STAM2: variants seen among roughly 807,000 people sequenced by gnomAD.
The protein encoded by STAM2 is signal transducing adaptor molecule 2, also known as signal transducing adapter molecule 2.
A neutral mutation model predicts 65.6 loss-of-function variants in STAM2; 51 were observed. The ratio of observed to expected loss-of-function variants is 0.78; its 90% CI spans 0.62 to 0.98. The LOEUF (loss-of-function observed/expected upper bound fraction) is 0.98, where lower values mean the gene tolerates loss of function less well. STAM2 is among the 50% of genes least tolerant of loss of function. STAM2 has a pLI of 0.00. For missense variants in STAM2, 584 were observed against 617.8 expected (o/e 0.95, Z 0.58); for synonymous variants, 198 against 208.4 (o/e 0.95, Z 0.43).
chr2:152,128,487 T>C (rs1464515733), intron 11 of STAM2, among the ~76,000 whole-genome samples: 3 of 150,812 alleles, frequency 2.0e-5, no homozygotes, highest in Non-Finnish European at 4.4e-5. Flanking sequence ...AACAAATGCA[T>C]AACTAAAATG....
chr2:152,143,481 G>A (rs4664533), intron 7 of STAM2, among the ~76,000 whole-genome samples: 151,256 of 152,306 alleles, frequency 0.99, 75,125 homozygotes, highest in Middle Eastern at 1. Context: ...GTATATTGCT[G>A]TATTTCTTCC....
At position 152,117,062 on chromosome 2, in the gene STAM2, T is replaced by C. The variant is rs140751906; in HGVS notation, c.*3512A>G. The stretch of plus-strand genomic sequence containing the variant: ...TGACATTCCAGGTGTACATGAAATT[T>C]GGAGGGACACTATTCACTATATCAC... On this transcript the variant is annotated 3_prime_UTR_variant, in exon 14 of 14. Transcript: ENST00000263904. 6.6e-6 allele frequency: 1 copy of C among 152,186 alleles called. No individual in the cohort carries two copies. The highest frequency in any genetic ancestry group is 1.5e-5 in the Non-Finnish European group (1 of 68,028). 9.4% of individuals were successfully genotyped at this position (152,186 alleles called of 1,614,324 possible).
At chr2:152,122,184 G>A (rs1474619580) in intron 13 of STAM2, among the ~76,000 whole-genome samples, 1 of 151,824 alleles carries the variant, frequency 6.6e-6, no homozygotes, top group Non-Finnish European at 1.5e-5. Flanking sequence ...CCAGCATTTT[G>A]GGAGGCCAAG....
intron 1 of STAM2, among the ~76,000 whole-genome samples, chr2:152,157,070 T>G (rs569020807): frequency 2.6e-5 from 4 of 152,230 alleles, no homozygotes; most frequent in South Asian, 4.1e-4. Flanking sequence ...CTTGGAATAC[T>G]TTCCCATCCA....
chr2:152,133,212 C>G lies in STAM2; in HGVS notation c.931G>C (p.Asp311His). The change falls in exon 10 of 14, where the codon GAT becomes CAT. Residue 311 changes from aspartate to histidine, a missense_variant. Transcript: ENST00000263904. ...AGGTCTTGGGAGTCTGGTTTTGAAT[C>G]TGTTGGATCTATACTCTGAAGTACC... Reference protein sequence around the residue: ...LQVLQSIDPTDSKPDSQDLLD... With the variant: ...LQVLQSIDPTHSKPDSQDLLD... 1 of 1,604,870 alleles carries G rather than the reference C, an allele frequency of 6.2e-7. No homozygotes were observed. The highest frequency in any genetic ancestry group is 8.5e-7 in the Non-Finnish European group (1 of 1,176,352).
intron 7 of STAM2, among the ~76,000 whole-genome samples, chr2:152,138,174 C>T (rs1420466988): frequency 6.6e-6 from 1 of 152,010 alleles, no homozygotes; most frequent in African/African-American, 2.4e-5. Flanking sequence ...GAAATCTTTG[C>T]AATATTAAGG....
intron 12 of STAM2, 188 bp downstream of exon 12, chr2:152,126,038 A>G: frequency 2.2e-6 from 1 of 445,072 alleles, no homozygotes; most frequent in Non-Finnish European, 3.8e-6. Flanking sequence ...TTTGTGAAAT[A>G]TCAGTATCTG....
intron 11 of STAM2, 189 bp downstream of exon 11, chr2:152,131,925 G>C (rs896978042): frequency 1.8e-6 from 1 of 557,494 alleles, no homozygotes. Context: ...GTCAGAGCTT[G>C]TTTTTTAGAA....
intron 1 of STAM2, 107 bp downstream of exon 1, chr2:152,175,496 T>C: frequency 6.9e-7 from 1 of 1,454,520 alleles, no homozygotes; most frequent in Non-Finnish European, 9.5e-7. Flanking sequence ...TCCCCTCCCT[T>C]CGCTTTGCTT....
chr2:152,164,476 G>A (rs915439567), intron 1 of STAM2, among the ~76,000 whole-genome samples: 27 of 151,950 alleles, frequency 1.8e-4, no homozygotes, highest in Admixed American at 9.2e-4. Context: ...TTGAGTAGCC[G>A]GGATTACAGG....
At chr2:152,131,881 G>C (rs554564792) in intron 11 of STAM2, 1 of 500,354 alleles carries the variant, frequency 2.0e-6, no homozygotes, top group East Asian at 3.7e-5. Flanking sequence ...CTGGTTAAAA[G>C]TAAGCCATGC....
At chr2:152,162,411 TA>T (rs199862931) in intron 1 of STAM2, among the ~76,000 whole-genome samples, 135 of 146,768 alleles carry the variant, frequency 9.2e-4, no homozygotes, top group Non-Finnish European at 1.5e-3. Context: ...CCTCACCTCT[TA>T]AAAAAAAAAA....
intron 1 of STAM2, among the ~76,000 whole-genome samples, chr2:152,167,815 TAGG>T (rs1424803804): frequency 2.6e-5 from 4 of 151,800 alleles, no homozygotes; most frequent in Non-Finnish European, 5.9e-5. Flanking sequence ...GAGGCTGAGG[TAGG>T]AGAATTGCTT....
chr2:152,124,592 G>T (rs893326578), intron 12 of STAM2: 1 of 151,966 alleles, frequency 6.6e-6, no homozygotes, highest in African/African-American at 2.4e-5. Context: ...TTAAGGACAG[G>T]GTCTACCACC....
At chr2:152,163,506 C>T (rs1020795699) in intron 1 of STAM2, among the ~76,000 whole-genome samples, 5 of 151,856 alleles carry the variant, frequency 3.3e-5, no homozygotes, top group Admixed American at 6.6e-5. Flanking sequence ...TTGTAAAACA[C>T]GTGTGTTTGA....
intron 11 of STAM2, among the ~76,000 whole-genome samples, chr2:152,127,072 G>T (rs1413758043): frequency 6.6e-6 from 1 of 152,178 alleles, no homozygotes; most frequent in South Asian, 2.1e-4. Context: ...AAACTTCTAG[G>T]GGGTACTTGG....
At chr2:152,159,007 CT>C (rs1689606414) in intron 1 of STAM2, among the ~76,000 whole-genome samples, 1 of 148,496 alleles carries the variant, frequency 6.7e-6, no homozygotes, top group African/African-American at 2.5e-5. Flanking sequence ...TGCCTTTTAT[CT>C]ATTAATAGGA....
chr2:152,175,070 T>C (rs995580675), intron 1 of STAM2, among the ~76,000 whole-genome samples: 2 of 152,138 alleles, frequency 1.3e-5, no homozygotes, highest in Admixed American at 6.6e-5. Flanking sequence ...ACCTTTACAA[T>C]TGTAATAAAT....
intron 1 of STAM2, among the ~76,000 whole-genome samples, chr2:152,152,506 G>A (rs1023654984): frequency 3.3e-5 from 5 of 151,598 alleles, no homozygotes; most frequent in Admixed American, 6.6e-5. Context: ...CCAAGATTGC[G>A]CCACTGCACT....
Sources: allele counts gnomAD v4.1 joint callset (sites outside exome capture counted in the v4.1 genomes callset), GRCh38; gene constraint gnomAD v4.1.1; transcripts MANE v1.5; gene names NCBI Gene and HGNC (gene_info 2026-07-23, HGNC 2026-07-21).